The following SSH2 variants were observed in gnomAD, a reference collection of about 807,000 sequenced individuals.
The protein encoded by SSH2 is protein phosphatase Slingshot homolog 2.
In SSH2, 37 loss-of-function variants were observed where a neutral mutation model predicts 135.2. The observed-to-expected ratio is 0.27, with a 90% CI of 0.21 to 0.36. The LOEUF (loss-of-function observed/expected upper bound fraction) is 0.36, where lower values mean the gene tolerates loss of function less well. Ranked by LOEUF, SSH2 falls within the 10% of genes least tolerant of loss-of-function variation. The probability of loss-of-function intolerance (pLI) is 1.00; values close to 1 mark genes in which losing one functional copy is unlikely to be tolerated. For missense variants in SSH2, 1,408 were observed against 1,765.3 expected (o/e 0.80, Z 3.63); for synonymous variants, 628 against 646.2 (o/e 0.97, Z 0.43).
At chr17:29,706,242 T>A (rs1465715024) in intron 3 of SSH2, among the ~76,000 whole-genome samples, 1 of 152,240 alleles carries the variant, frequency 6.6e-6, no homozygotes, top group Admixed American at 6.5e-5. Flanking sequence ...TTAAATCACC[T>A]CTATAATGTT....
At chr17:29,927,235 T>C (rs2067084028) in intron 1 of SSH2, among the ~76,000 whole-genome samples, 1 of 152,174 alleles carries the variant, frequency 6.6e-6, no homozygotes, top group African/African-American at 2.4e-5. Context: ...CTTATGACCA[T>C]CACAAACTCT....
chr17:29,722,990 C>T (rs534360824), intron 3 of SSH2, among the ~76,000 whole-genome samples: 1 of 152,332 alleles, frequency 6.6e-6, no homozygotes, highest in Middle Eastern at 3.4e-3. Context: ...CCCCTCTTCC[C>T]AAAATGCTTT....
Position 29,850,232 on chromosome 17 carries a change from T to A in SSH2, c.64-1303A>T, listed in dbSNP as rs542433016. ...AGTATTTTTCCCTATGACTAACAAC[T>A]CAAAAAAGGGAACAGAAAAGGCTCC... On this transcript the variant is annotated intron_variant, in intron 1 of 15. Transcript: ENST00000540801. Among the ~76,000 whole-genome samples, 7 of 151,966 alleles carry A rather than the reference T, an allele frequency of 4.6e-5. No homozygotes were observed. In the East Asian group the frequency reaches 1.2e-3, roughly 25 times the overall value.
At chr17:29,824,794 G>A (rs2042716328) in intron 2 of SSH2, among the ~76,000 whole-genome samples, 2 of 152,148 alleles carry the variant, frequency 1.3e-5, no homozygotes, top group South Asian at 4.1e-4. Flanking sequence ...AACATTTGTT[G>A]TTTTTGCCTG....
rs2065736388 is a variant in SSH2 at position 29,860,148 on chromosome 17, T to C, written c.64-11219A>G. 2.6e-5 allele frequency among the ~76,000 whole-genome samples: 4 copies of C among 152,074 alleles called. No individual in the cohort carries two copies. The South Asian group carries it at 8.3e-4, about 32-fold the overall frequency. On this transcript the variant is annotated intron_variant, in intron 1 of 15. Coordinates refer to ENST00000540801, the MANE Select transcript of SSH2 (RefSeq NM_001282129.2). ...TAGGCGTGAGTCAGCATGCCGGCGG[T>C]AATTCTGTTTTTAGCTCTTTGAGGA... is the stretch of plus-strand genomic sequence containing the variant.
chr17:29,893,024 C>T (rs1266377050), intron 1 of SSH2, among the ~76,000 whole-genome samples: 1 of 152,112 alleles, frequency 6.6e-6, no homozygotes, highest in Non-Finnish European at 1.5e-5. Context: ...TTCCTCACCA[C>T]TAATTTACCT....
chr17:29,818,568 C>T (rs1042610062), intron 2 of SSH2, among the ~76,000 whole-genome samples: 5 of 151,986 alleles, frequency 3.3e-5, no homozygotes, highest in Non-Finnish European at 7.4e-5. Flanking sequence ...ATTCTTAAAT[C>T]TAGATCTGCC....
chr17:29,904,591 C>G (rs1326516140), intron 1 of SSH2, among the ~76,000 whole-genome samples: 2 of 152,092 alleles, frequency 1.3e-5, no homozygotes, highest in African/African-American at 4.8e-5. Flanking sequence ...AAAACCGGCA[C>G]AAGACAAGAA....
chr17:29,920,347 A>C (rs900105906), intron 1 of SSH2, among the ~76,000 whole-genome samples: 1 of 152,230 alleles, frequency 6.6e-6, no homozygotes, highest in Non-Finnish European at 1.5e-5. Context: ...TGAGGACCAA[A>C]GGCCTTCTCT....
Position 29,779,810 on chromosome 17 carries a change from C to CAAAAAAAAAA in SSH2, c.188+14074_188+14083dup, listed in dbSNP as rs56789691. ...TGGGCGACAGAGTGAGACTCTGTCT[C>CAAAAAAAAAA]AAAAAAAAAAAAAAAAAAAAAAAAA... is the stretch of plus-strand genomic sequence containing the variant. On this transcript the variant is annotated intron_variant, in intron 3 of 15. Coordinates refer to ENST00000540801, the MANE Select transcript of SSH2 (RefSeq NM_001282129.2). Among the ~76,000 whole-genome samples the CAAAAAAAAAA allele has an allele frequency of 4.1e-3, 81 of 19,606 alleles. 14 individuals carry two copies. The highest frequency in any genetic ancestry group is 6.2e-3 in the Admixed American group (6 of 972). 12.9% of individuals were successfully genotyped at this position (19,606 alleles called of 152,430 possible). A position where few individuals can be genotyped will look rare whatever the true frequency, so the allele number is the denominator to read the frequency against.
At chr17:29,761,532 T>A (rs2041306612) in intron 3 of SSH2, 1 of 686,918 alleles carries the variant, frequency 1.5e-6, no homozygotes, top group Admixed American at 6.3e-5. Flanking sequence ...CCGCCCCAGA[T>A]CTCGGGACGC....
chr17:29,858,514 G>T (rs1407163672), intron 1 of SSH2, among the ~76,000 whole-genome samples: 1 of 152,176 alleles, frequency 6.6e-6, no homozygotes, highest in African/African-American at 2.4e-5. Flanking sequence ...TAACCTAGGG[G>T]TGGTTCCAAT....
At position 29,636,472 on chromosome 17, in the gene SSH2, A is replaced by C; in HGVS notation, c.1758T>G (p.Cys586Trp). The change falls in exon 15 of 16, where the codon TGT becomes TGG. Residue 586 changes from cysteine (C) to tryptophan (W), a missense_variant. This residue lies in a region of SSH2 where 1,080 missense variants were observed against 1,144.5 expected (regional missense o/e 0.94). Coordinates refer to ENST00000540801, the MANE Select transcript of SSH2 (RefSeq NM_001282129.2). ...NDINGCSSGC[C>W]LNESKFPLDN... ...CAAGAGGAAATTTTGATTCATTCAG[A>C]CAACACCCTGATGAGCATCCATTGA... is the stretch of plus-strand genomic sequence containing the variant. 6.2e-7 allele frequency: 1 copy of C among 1,614,232 alleles called. No homozygotes were observed. Among genetic ancestry groups the C allele is most frequent in the Non-Finnish European group, 8.5e-7 (1 of 1,180,036 alleles).
chr17:29,845,171 T>C (rs769791210), intron 2 of SSH2, among the ~76,000 whole-genome samples: 2 of 152,252 alleles, frequency 1.3e-5, no homozygotes, highest in Non-Finnish European at 2.9e-5. Flanking sequence ...CTTCGACGAT[T>C]GACTTTATCT....
At chr17:29,832,311 T>C (rs1475695977) in intron 2 of SSH2, among the ~76,000 whole-genome samples, 2 of 152,188 alleles carry the variant, frequency 1.3e-5, no homozygotes, top group Admixed American at 1.3e-4. Context: ...TTTAAATTTC[T>C]GGTAGAGATG....
In SSH2 at chr17:29,680,575, A is replaced by AAAAAC. The variant is rs1567871542; in HGVS notation, c.480-2835_480-2834insGTTTT. 8.8e-5 allele frequency among the ~76,000 whole-genome samples: 13 copies of AAAAAC among 147,488 alleles called. No individual in the cohort carries two copies. In the East Asian group the frequency reaches 1.1e-3, roughly 12 times the overall value. On this transcript the variant is annotated intron_variant, in intron 6 of 15. Transcript: ENST00000540801. ...TCAAAAAAAAAAAAAAAAAAAAAAA[A>AAAAAC]AAAAAGAGTGATTCCAGAGCTCAGG...
intron 3 of SSH2, among the ~76,000 whole-genome samples, chr17:29,705,460 C>CA (rs199534947): frequency 5.3e-5 from 8 of 151,310 alleles, no homozygotes; most frequent in East Asian, 1.9e-4. Context: ...GGTGCTGTAT[C>CA]AAAAAAAAAC....
chr17:29,874,296 A>G (rs574431015), intron 1 of SSH2, among the ~76,000 whole-genome samples: 8 of 140,382 alleles, frequency 5.7e-5, no homozygotes, highest in African/African-American at 2.1e-4. Flanking sequence ...GTCTCAAAAA[A>G]ATGGGGAGGG....
chr17:29,748,317 C>G (rs1440191844), intron 3 of SSH2, among the ~76,000 whole-genome samples: 4 of 151,946 alleles, frequency 2.6e-5, no homozygotes, highest in Non-Finnish European at 5.9e-5. Flanking sequence ...GGATCATTAA[C>G]TGTTCTTTCA....
Sources: gnomAD v4.1 joint callset for allele counts (sites outside exome capture counted in the v4.1 genomes callset) on GRCh38, gnomAD v4.1.1 for gene constraint, gnomAD v4.1.1 regional missense constraint, MANE v1.5 for transcripts, NCBI Gene and HGNC (gene_info 2026-07-23, HGNC 2026-07-21) for gene names.